DSC3: variants seen among roughly 807,000 people sequenced by gnomAD.
The protein encoded by DSC3 is desmocollin-3.
Under a neutral mutation model 89.5 loss-of-function variants are expected in DSC3, and 97 were observed. The observed-to-expected ratio is 1.08, with a 90% confidence interval of 0.92 to 1.28. The LOEUF (loss-of-function observed/expected upper bound fraction) is 1.28. Ranked by LOEUF, DSC3 falls within the 50% of genes most tolerant of loss-of-function variation. DSC3 has a pLI of 0.00. For missense variants in DSC3, 1,199 were observed against 1,085.3 expected (o/e 1.10, Z -1.47); for synonymous variants, 436 against 384.1 (o/e 1.14, Z -1.58).
At chr18:31,023,556 G>C (rs1484942798) in intron 6 of DSC3, among the ~76,000 whole-genome samples, 2 of 152,014 alleles carry the variant, frequency 1.3e-5, no homozygotes, top group Non-Finnish European at 2.9e-5. Context: ...TAACATCTAT[G>C]ACATCAGATT....
chr18:30,995,996 A>AAAAAAAAAAAAAAAAAAAAAG (rs1555631968), intron 15 of DSC3, among the ~76,000 whole-genome samples: 1 of 136,410 alleles, frequency 7.3e-6, no homozygotes, highest in African/African-American at 3.0e-5. Flanking sequence ...AAAAAAAAAA[A>AAAAAAAAAAAAAAAAAAAAAG]AAAGAAAAGA....
intron 4 of DSC3, among the ~76,000 whole-genome samples, chr18:31,027,114 G>A (rs967437104): frequency 6.6e-6 from 1 of 152,116 alleles, no homozygotes; most frequent in Non-Finnish European, 1.5e-5. Context: ...GTTTAACTAT[G>A]AGAAGAATAG....
intron 15 of DSC3, among the ~76,000 whole-genome samples, chr18:30,994,720 T>A (rs1439295824): frequency 1.3e-5 from 2 of 152,234 alleles, no homozygotes; most frequent in African/African-American, 4.8e-5. Context: ...GAGTTTGAGA[T>A]AGGATGTCAA....
rs140256570 is a variant in DSC3 at position 31,036,862 on chromosome 18, A to G, written c.70-4586T>C. Among the ~76,000 whole-genome samples the G allele has an allele frequency of 9.1e-3, 1,249 of 137,784 alleles. 26 individuals are homozygous for G. The highest frequency in any genetic ancestry group is 0.032 in the African/African-American group (1,175 of 36,952). 90.4% of individuals were successfully genotyped at this position (137,784 alleles called of 152,430 possible). A position where few individuals can be genotyped will look rare whatever the true frequency, so the allele number is the denominator to read the frequency against. ...GGCTGGAGTGCAGTGGTGCGATCTC[A>G]GCTCACTGAAACATCTGCCTCCTAG... On this transcript the variant is annotated intron_variant, in intron 1 of 15. Transcript: ENST00000360428.
At chr18:31,027,184 A>C (rs1366345860) in intron 4 of DSC3, among the ~76,000 whole-genome samples, 2 of 152,144 alleles carry the variant, frequency 1.3e-5, no homozygotes, top group African/African-American at 4.8e-5. Context: ...GTGTCCTCTC[A>C]TAATGTAGAT....
intron 9 of DSC3, among the ~76,000 whole-genome samples, chr18:31,015,068 A>G (rs1045514606): frequency 6.6e-6 from 1 of 152,234 alleles, no homozygotes; most frequent in African/African-American, 2.4e-5. Context: ...CATGGTAGCT[A>G]CTTTTAAAAT....
Position 30,992,307 on chromosome 18 carries a change from A to G in DSC3, c.*1868T>C, listed in dbSNP as rs1984291286. 1 of 152,234 alleles carries G rather than the reference A, an allele frequency of 6.6e-6. No homozygotes were observed. Among genetic ancestry groups the G allele is most frequent in the African/African-American group, 2.4e-5 (1 of 41,464 alleles). 9.4% of individuals were successfully genotyped at this position (152,234 alleles called of 1,614,324 possible). On this transcript the variant is annotated 3_prime_UTR_variant, in exon 16 of 16. Transcript: ENST00000360428. ...TAATTCATAGACCTTCTTAGTGCCC[A>G]GAAGGAGGGCTGCAGAAGGAATACA...
At chr18:31,024,256 T>G in intron 6 of DSC3, 93 bp downstream of exon 6, 1 of 1,228,792 alleles carries the variant, frequency 8.1e-7, no homozygotes, top group Non-Finnish European at 1.1e-6. Context: ...TATCTCAGGC[T>G]GATCTGGCCT....
chr18:31,029,410 C>T, intron 4 of DSC3, 99 bp downstream of exon 4: 2 of 1,468,204 alleles, frequency 1.4e-6, no homozygotes, highest in East Asian at 2.3e-5. Context: ...CATCTTTAAT[C>T]AGATCTGTTT....
intron 14 of DSC3, among the ~76,000 whole-genome samples, chr18:30,998,753 G>A (rs1024600051): frequency 1.3e-5 from 2 of 151,898 alleles, no homozygotes; most frequent in Non-Finnish European, 2.9e-5. Flanking sequence ...GAGAGAATAT[G>A]GTAAGGAGTG....
At chr18:31,036,951 C>A (rs1253531223) in intron 1 of DSC3, among the ~76,000 whole-genome samples, 1 of 151,832 alleles carries the variant, frequency 6.6e-6, no homozygotes, top group African/African-American at 2.4e-5. Flanking sequence ...TGCCACCACC[C>A]CCAGCTAATT....
At chr18:30,995,257 C>T (rs548022998) in intron 15 of DSC3, among the ~76,000 whole-genome samples, 1 of 152,310 alleles carries the variant, frequency 6.6e-6, no homozygotes, top group African/African-American at 2.4e-5. Context: ...CCTTACCTCC[C>T]ATTACCTGGT....
chr18:31,012,795 A>G (rs180936782), intron 9 of DSC3, among the ~76,000 whole-genome samples: 7 of 152,356 alleles, frequency 4.6e-5, no homozygotes, highest in African/African-American at 1.7e-4. Flanking sequence ...AGGAAAAACT[A>G]TGGTAAATCC....
chr18:31,027,521 G>A (rs1238735787), intron 4 of DSC3, among the ~76,000 whole-genome samples: 1 of 110,440 alleles, frequency 9.1e-6, no homozygotes, highest in Admixed American at 8.3e-5. Context: ...TTCTGCAATA[G>A]CATATGTACT....
chr18:31,001,854 G>T, intron 13 of DSC3, 115 bp from the exon 14 acceptor site: 1 of 819,114 alleles, frequency 1.2e-6, no homozygotes, highest in Non-Finnish European at 1.8e-6. Flanking sequence ...ACTAAGCATG[G>T]TTTCCCATGA....
chr18:31,032,125 A>G, intron 2 of DSC3, 67 bp downstream of exon 2: 1 of 1,123,800 alleles, frequency 8.9e-7, no homozygotes, highest in Non-Finnish European at 1.4e-6. Context: ...CAAAGGTATT[A>G]TATCATGCTC....
intron 9 of DSC3, among the ~76,000 whole-genome samples, chr18:31,011,405 A>G (rs1985050983): frequency 6.6e-6 from 1 of 152,234 alleles, no homozygotes; most frequent in African/African-American, 2.4e-5. Context: ...AGCTAAAAGT[A>G]TACCAGAGCA....
rs1425175894 is a variant in DSC3 at position 30,993,185 on chromosome 18, T to C, written c.*990A>G. ...AGTAAAGGTAAGTTTTAAAATGTTT[T>C]TGTTATTAGCTCCCCGAAAAAAACA... is the stretch of plus-strand genomic sequence containing the variant. On this transcript the variant is annotated 3_prime_UTR_variant, in exon 16 of 16. Transcript: ENST00000360428. 6.6e-6 allele frequency: 1 copy of C among 152,176 alleles called. No homozygotes were observed. The highest frequency in any genetic ancestry group is 1.5e-5 in the Non-Finnish European group (1 of 68,028). 9.4% of individuals were successfully genotyped at this position (152,176 alleles called of 1,614,324 possible).
chr18:31,039,730 G>T (rs1291062377), intron 1 of DSC3, among the ~76,000 whole-genome samples: 2 of 152,118 alleles, frequency 1.3e-5, no homozygotes, highest in African/African-American at 4.8e-5. Flanking sequence ...AATTACAACA[G>T]GATCCAAAAA....
Sources: gnomAD v4.1 joint callset for allele counts (sites outside exome capture counted in the v4.1 genomes callset) on GRCh38, gnomAD v4.1.1 for gene constraint, MANE v1.5 for transcripts, NCBI Gene and HGNC (gene_info 2026-07-23, HGNC 2026-07-21) for gene names.